PRKG1: variants seen among roughly 807,000 people sequenced by gnomAD.
PRKG1 encodes cGMP-dependent protein kinase 1.
A neutral mutation model predicts 88.1 loss-of-function variants in PRKG1; 35 were observed. The ratio of observed to expected loss-of-function variants is 0.40; its 90% CI spans 0.30 to 0.53. The LOEUF is 0.53. Ranked by LOEUF, PRKG1 falls within the 20% of genes least tolerant of loss-of-function variation. PRKG1 has a pLI of 0.59. For missense variants in PRKG1, 540 were observed against 839.8 expected (o/e 0.64, Z 4.41); for synonymous variants, 303 against 292.5 (o/e 1.04, Z -0.37).
chr10:51,597,260 T>A (rs896593979), intron 3 of PRKG1, among the ~76,000 whole-genome samples: 1 of 152,158 alleles, frequency 6.6e-6, no homozygotes, highest in African/African-American at 2.4e-5. Context: ...TCCCTTTAAT[T>A]CATTGTTGGT....
chr10:51,740,702 C>T (rs934370230), intron 3 of PRKG1, among the ~76,000 whole-genome samples: 1 of 152,042 alleles, frequency 6.6e-6, no homozygotes, highest in Non-Finnish European at 1.5e-5. Context: ...TTTAAAATGT[C>T]TCAAGGACTC....
At chr10:51,721,576 A>G (rs954902697) in intron 3 of PRKG1, among the ~76,000 whole-genome samples, 3 of 152,170 alleles carry the variant, frequency 2.0e-5, no homozygotes, top group African/African-American at 7.2e-5. Context: ...CTATTACTCC[A>G]AGGGAAGCAC....
chr10:51,334,999 C>CTTTTTTTTTTTT (rs918622780), intron 2 of PRKG1, among the ~76,000 whole-genome samples: 3 of 78,746 alleles, frequency 3.8e-5, no homozygotes, highest in East Asian at 4.1e-4. Context: ...TGTCAGGTTT[C>CTTTTTTTTTTTT]TTTTTTTTTT....
chr10:52,152,264 A>G (rs1170168125), intron 8 of PRKG1, among the ~76,000 whole-genome samples: 2 of 152,134 alleles, frequency 1.3e-5, no homozygotes, highest in Non-Finnish European at 2.9e-5. Context: ...TTAAATTTCT[A>G]TTACAGGCCA....
intron 5 of PRKG1, among the ~76,000 whole-genome samples, chr10:51,916,395 G>T (rs1297618114): frequency 6.6e-6 from 1 of 152,136 alleles, no homozygotes; most frequent in Non-Finnish European, 1.5e-5. Context: ...TACCCTAAAT[G>T]GTGTAAAAAC....
chr10:52,148,849 G>A (rs1837810676), intron 8 of PRKG1, among the ~76,000 whole-genome samples: 1 of 151,676 alleles, frequency 6.6e-6, no homozygotes, highest in South Asian at 2.1e-4. Context: ...AGAAAGATGG[G>A]AATAGAATTC....
intron 3 of PRKG1, among the ~76,000 whole-genome samples, chr10:51,598,171 C>G (rs1271655271): frequency 6.6e-6 from 1 of 152,348 alleles, no homozygotes; most frequent in Admixed American, 6.5e-5. Flanking sequence ...AAAGAGCTTA[C>G]CCTTTGGAGT....
chr10:51,883,324 G>A (rs759626661), intron 4 of PRKG1, among the ~76,000 whole-genome samples: 11 of 152,174 alleles, frequency 7.2e-5, no homozygotes, highest in Admixed American at 1.3e-4. Context: ...TGTATGAGCT[G>A]CATAGTATAA....
At chr10:51,358,109 AG>A (rs1399076135) in intron 2 of PRKG1, among the ~76,000 whole-genome samples, 1 of 151,812 alleles carries the variant, frequency 6.6e-6, no homozygotes, top group East Asian at 1.9e-4. Context: ...TGCTCAGCTG[AG>A]GGGGTCATGA....
chr10:51,671,830 C>A (rs943280853), intron 3 of PRKG1, among the ~76,000 whole-genome samples: 1 of 152,114 alleles, frequency 6.6e-6, no homozygotes, highest in African/African-American at 2.4e-5. Context: ...TTGTGATTTG[C>A]CTGCCTCGGC....
chr10:51,614,392 G>A (rs1242375867), intron 3 of PRKG1, among the ~76,000 whole-genome samples: 1 of 151,500 alleles, frequency 6.6e-6, no homozygotes, highest in Non-Finnish European at 1.5e-5. Context: ...TACAGGTGAG[G>A]TGAGTTTCTT....
intron 5 of PRKG1, among the ~76,000 whole-genome samples, chr10:51,953,714 C>A (rs182921021): frequency 6.6e-6 from 1 of 151,678 alleles, no homozygotes; most frequent in Admixed American, 6.6e-5. Flanking sequence ...ATTGTGTGTG[C>A]GGTTTTGTTT....
intron 1 of PRKG1, among the ~76,000 whole-genome samples, chr10:51,052,731 A>G (rs1382473127): frequency 1.3e-5 from 2 of 152,176 alleles, no homozygotes; most frequent in East Asian, 1.9e-4. Context: ...TAATATTTCT[A>G]TGTTCAATGT....
At chr10:51,565,707 C>A (rs1049638122) in intron 3 of PRKG1, among the ~76,000 whole-genome samples, 6 of 151,958 alleles carry the variant, frequency 3.9e-5, no homozygotes, top group South Asian at 2.1e-4. Flanking sequence ...AACACTTGTT[C>A]CTGAAAATTC....
At chr10:51,292,492 G>A (rs945367162) in intron 2 of PRKG1, among the ~76,000 whole-genome samples, 1 of 151,974 alleles carries the variant, frequency 6.6e-6, no homozygotes, top group African/African-American at 2.4e-5. Flanking sequence ...TTGCTATTTT[G>A]GGGAATTAAG....
chr10:51,144,410 G>A (rs1009547675), intron 1 of PRKG1, among the ~76,000 whole-genome samples: 3 of 152,038 alleles, frequency 2.0e-5, no homozygotes, highest in Non-Finnish European at 4.4e-5. Flanking sequence ...GGCAAACTTA[G>A]AGAGTCAAAA....
intron 5 of PRKG1, among the ~76,000 whole-genome samples, chr10:52,020,199 AT>A (rs1845146950): frequency 6.6e-6 from 1 of 151,944 alleles, no homozygotes; most frequent in Non-Finnish European, 1.5e-5. Flanking sequence ...CTTATAGTAA[AT>A]CTCCAAAACT....
chr10:52,009,481 T>G (rs1303429689), intron 5 of PRKG1, among the ~76,000 whole-genome samples: 1 of 152,078 alleles, frequency 6.6e-6, no homozygotes, highest in African/African-American at 2.4e-5. Flanking sequence ...GTGAAAGATC[T>G]CTACAATGGT....
intron 5 of PRKG1, chr10:51,910,974 C>T (rs1458019818): frequency 6.6e-6 from 1 of 152,068 alleles, no homozygotes; most frequent in Non-Finnish European, 1.5e-5. Flanking sequence ...CTGACTATAC[C>T]AGTAATTCTG....
Sources: gnomAD v4.1 joint callset for allele counts (sites outside exome capture counted in the v4.1 genomes callset) on GRCh38, gnomAD v4.1.1 for gene constraint, MANE v1.5 for transcripts, NCBI Gene and HGNC (gene_info 2026-07-23, HGNC 2026-07-21) for gene names.